Variants in ZNF407 observed in about 807,000 individuals in gnomAD.
ZNF407 encodes zinc finger protein 407.
A neutral mutation model predicts 131.2 loss-of-function variants in ZNF407; 17 were observed. The observed-to-expected ratio is 0.13, with a 90% confidence interval of 0.09 to 0.19. The LOEUF is 0.19. ZNF407 is among the 10% of genes least tolerant of loss of function. ZNF407 has a pLI of 1.00. For missense variants in ZNF407, 2,681 were observed against 2,830.6 expected, an observed-to-expected ratio of 0.95 and a Z score of 1.20; for synonymous variants, 1,156 against 1,062.0, an observed-to-expected ratio of 1.09 and a Z score of -1.72.
intron 8 of ZNF407, among the ~76,000 whole-genome samples, chr18:74,978,539 G>C (rs1972553393): frequency 1.3e-5 from 2 of 152,072 alleles, no homozygotes; most frequent in Admixed American, 6.6e-5. Flanking sequence ...GCAGCACACT[G>C]TGTATGGAGC....
In ZNF407 at chr18:74,809,205, T is replaced by G. The variant is rs143080027; in HGVS notation, c.4877+27703T>G. 2.6e-4 allele frequency among the ~76,000 whole-genome samples: 40 copies of G among 152,354 alleles called. 1 individual carries two copies. The Middle Eastern group carries it at 0.01, about 39-fold the overall frequency. Reference sequence around the variant, plus strand: ...AATGAAATTCTGCTCTCTTTAATATTTCTTTCCTCCTCTTCTTTTACACTG... The same window carrying G: ...AATGAAATTCTGCTCTCTTTAATATGTCTTTCCTCCTCTTCTTTTACACTG... On this transcript the variant is annotated intron_variant, in intron 4 of 8. Transcript: ENST00000299687.
intron 4 of ZNF407, among the ~76,000 whole-genome samples, chr18:74,807,294 G>A (rs1970124456): frequency 6.6e-6 from 1 of 152,204 alleles, no homozygotes; most frequent in Non-Finnish European, 1.5e-5. Flanking sequence ...AACTGAAAGT[G>A]TTGGGCTGCA....
intron 7 of ZNF407, among the ~76,000 whole-genome samples, chr18:74,892,527 C>G (rs1971399551): frequency 6.6e-6 from 1 of 152,154 alleles, no homozygotes; most frequent in African/African-American, 2.4e-5. Flanking sequence ...CAGGTTTCCC[C>G]TCAACTTTCC....
At position 74,632,835 on chromosome 18, in the gene ZNF407, C is replaced by A; in HGVS notation, c.1816C>A (p.His606Asn). ...CTTGGATGAAATAAATCTTAGAGAC[C>A]ACATGAAGGAAAAGCACAATATGCA... ...ISLDEINLRDHMKEKHNMHFL... is the reference protein window; with the variant it reads ...ISLDEINLRDNMKEKHNMHFL... The change falls in exon 2 of 9, where the codon CAC becomes AAC. Residue 606 changes from histidine (H) to asparagine (N), a missense_variant. His to Asn is a moderately conservative substitution (Grantham distance 68). Transcript: ENST00000299687. The A allele has an allele frequency of 6.2e-7, 1 of 1,613,570 alleles. No individual in the cohort carries two copies.
At chr18:74,695,641 G>A (rs1967336555) in intron 3 of ZNF407, among the ~76,000 whole-genome samples, 1 of 152,008 alleles carries the variant, frequency 6.6e-6, no homozygotes. Flanking sequence ...TAGAAGGAAT[G>A]TCTGATTTGG....
chr18:75,058,385 CG>C (rs1973586309), intron 8 of ZNF407, among the ~76,000 whole-genome samples: 1 of 152,154 alleles, frequency 6.6e-6, no homozygotes, highest in Admixed American at 6.5e-5. Flanking sequence ...CGAACGCAAA[CG>C]GGCAGAAAGT....
chr18:74,876,102 ACT>A (rs1462079224), intron 4 of ZNF407, among the ~76,000 whole-genome samples: 2 of 152,238 alleles, frequency 1.3e-5, no homozygotes, highest in South Asian at 4.1e-4. Context: ...ATGGTTAAAG[ACT>A]CTATGTGAAA....
chr18:74,783,605 C>CT (rs1969649439), intron 4 of ZNF407, among the ~76,000 whole-genome samples: 1 of 147,248 alleles, frequency 6.8e-6, no homozygotes, highest in Non-Finnish European at 1.5e-5. Context: ...TTTTTCTTTT[C>CT]TTTAATATTT....
At chr18:74,748,992 C>T (rs1014699212) in intron 3 of ZNF407, among the ~76,000 whole-genome samples, 2 of 151,960 alleles carry the variant, frequency 1.3e-5, no homozygotes, top group Admixed American at 6.6e-5. Context: ...AGTAATGAGG[C>T]GAAGAGAGCG....
At chr18:74,913,412 G>T (rs1333328429) in intron 7 of ZNF407, among the ~76,000 whole-genome samples, 1 of 152,228 alleles carries the variant, frequency 6.6e-6, no homozygotes, top group Admixed American at 6.5e-5. Flanking sequence ...GTAGAGACAT[G>T]TAGGGGAGAT....
At chr18:74,803,796 C>G (rs893084829) in intron 4 of ZNF407, among the ~76,000 whole-genome samples, 4 of 152,162 alleles carry the variant, frequency 2.6e-5, no homozygotes, top group South Asian at 4.1e-4. Flanking sequence ...GTCTGTGTGT[C>G]AGCTGTGAAT....
intron 6 of ZNF407, among the ~76,000 whole-genome samples, chr18:74,883,659 C>T (rs1971268672): frequency 6.6e-6 from 1 of 152,132 alleles, no homozygotes; most frequent in Admixed American, 6.6e-5. Flanking sequence ...ACCACCAGCC[C>T]GCCCAAAAGA....
At chr18:74,706,471 A>G (rs1000543470) in intron 3 of ZNF407, among the ~76,000 whole-genome samples, 1 of 152,180 alleles carries the variant, frequency 6.6e-6, no homozygotes, top group Non-Finnish European at 1.5e-5. Context: ...GTATTACCCC[A>G]TGAATTTGGA....
At chr18:75,020,886 T>C (rs1212524758) in intron 8 of ZNF407, among the ~76,000 whole-genome samples, 2 of 152,174 alleles carry the variant, frequency 1.3e-5, no homozygotes, top group Non-Finnish European at 2.9e-5. Context: ...TTAGAAGATA[T>C]GAAAACAAAT....
intron 1 of ZNF407, among the ~76,000 whole-genome samples, chr18:74,613,984 C>A (rs1483850405): frequency 6.6e-6 from 1 of 152,132 alleles, no homozygotes; most frequent in African/African-American, 2.4e-5. Flanking sequence ...CTAGAACAAA[C>A]AACAGACTTT....
chr18:74,838,994 T>G (rs1244085054), intron 4 of ZNF407, among the ~76,000 whole-genome samples: 1 of 152,164 alleles, frequency 6.6e-6, no homozygotes, highest in East Asian at 1.9e-4. Context: ...GTAGACTGTC[T>G]GCAAAGTTGG....
chr18:75,013,510 G>A (rs1286076795), intron 8 of ZNF407, among the ~76,000 whole-genome samples: 2 of 152,134 alleles, frequency 1.3e-5, no homozygotes, highest in African/African-American at 2.4e-5. Context: ...ATGTGGCTTG[G>A]TTACCAGAGG....
At chr18:74,673,288 A>T (rs1273144247) in intron 3 of ZNF407, among the ~76,000 whole-genome samples, 4 of 152,200 alleles carry the variant, frequency 2.6e-5, no homozygotes, top group African/African-American at 9.6e-5. Flanking sequence ...TCACGATTTT[A>T]ACACCAGTAG....
chr18:74,626,798 A>G (rs1416353340), intron 1 of ZNF407, among the ~76,000 whole-genome samples: 1 of 152,188 alleles, frequency 6.6e-6, no homozygotes, highest in Non-Finnish European at 1.5e-5. Flanking sequence ...GCATGGCTCC[A>G]TTTTACTAGA....
Sources: gnomAD v4.1 joint callset for allele counts (sites outside exome capture counted in the v4.1 genomes callset) on GRCh38, gnomAD v4.1.1 for gene constraint, MANE v1.5 for transcripts, NCBI Gene and HGNC (gene_info 2026-07-23, HGNC 2026-07-21) for gene names.